The following QTMAN variants were observed in gnomAD, a reference collection of about 807,000 sequenced individuals.
QTMAN encodes the protein queuosine-tRNA mannosyltransferase, also known as tRNA-queuosine alpha-mannosyltransferase.
the QTMAN span, among the ~76,000 whole-genome samples, chr2:143,999,752 G>C: frequency 1.2e-4 from 18 of 152,226 alleles, no homozygotes; most frequent in Non-Finnish European, 2.2e-4. Flanking sequence ...TGTGGGTCCT[G>C]AGCAGTTGAA....
the QTMAN span, among the ~76,000 whole-genome samples, chr2:144,102,574 G>C: frequency 6.6e-6 from 1 of 152,146 alleles, no homozygotes; most frequent in African/African-American, 2.4e-5. Flanking sequence ...AGGATGCTGA[G>C]GTTGCTTTGA....
chr2:144,171,473 C>T, the QTMAN span, among the ~76,000 whole-genome samples: 1 of 152,122 alleles, frequency 6.6e-6, no homozygotes, highest in Non-Finnish European at 1.5e-5. Flanking sequence ...CTTCCTTGAT[C>T]CTACTGGTGT....
the QTMAN span, among the ~76,000 whole-genome samples, chr2:144,238,179 G>A: frequency 6.6e-6 from 1 of 152,138 alleles, no homozygotes; most frequent in Non-Finnish European, 1.5e-5. Flanking sequence ...GCCTTCCACA[G>A]GGAACCCAGG....
At chr2:144,143,876 T>A in the QTMAN span, among the ~76,000 whole-genome samples, 1 of 151,804 alleles carries the variant, frequency 6.6e-6, no homozygotes, top group Non-Finnish European at 1.5e-5. Context: ...CAGAAAGAAA[T>A]CTGACAGTGC....
the QTMAN span, among the ~76,000 whole-genome samples, chr2:144,066,151 CCTTTT>C: frequency 2.0e-5 from 3 of 151,662 alleles, no homozygotes; most frequent in South Asian, 2.1e-4. Flanking sequence ...ATTCTTTCTT[CCTTTT>C]CTTTTTTTTT....
chr2:143,952,691 TAA>T, the QTMAN span: 1 of 1,003,022 alleles, frequency 1.0e-6, no homozygotes, highest in East Asian at 2.4e-5. Context: ...TGCTCCTGCC[TAA>T]GTTTATTTTC....
the QTMAN span, among the ~76,000 whole-genome samples, chr2:144,182,971 T>C: frequency 2.2e-5 from 3 of 137,406 alleles, no homozygotes; most frequent in African/African-American, 5.3e-5. Flanking sequence ...CAGGAAATAT[T>C]TGAAACAATT....
At chr2:144,327,777 G>A in the QTMAN span, among the ~76,000 whole-genome samples, 35 of 152,152 alleles carry the variant, frequency 2.3e-4, no homozygotes, top group African/African-American at 8.4e-4. Flanking sequence ...TAAAGGTAGG[G>A]GAGATAGCAA....
the QTMAN span, chr2:143,944,878 C>T: frequency 2.0e-5 from 3 of 150,484 alleles, no homozygotes; most frequent in Non-Finnish European, 2.9e-5. Context: ...CAGGAAAATA[C>T]GTAAATGTTT....
At chr2:144,127,437 T>G in the QTMAN span, among the ~76,000 whole-genome samples, 2 of 152,000 alleles carry the variant, frequency 1.3e-5, no homozygotes, top group South Asian at 4.1e-4. Context: ...TAAAAAGTTA[T>G]TGAATTGAAT....
At chr2:144,244,286 AG>A in the QTMAN span, among the ~76,000 whole-genome samples, 1 of 152,206 alleles carries the variant, frequency 6.6e-6, no homozygotes, top group Non-Finnish European at 1.5e-5. Context: ...GAAGTTTGCA[AG>A]GGAAGATGAG....
At chr2:143,968,637 T>C in the QTMAN span, among the ~76,000 whole-genome samples, 1 of 152,200 alleles carries the variant, frequency 6.6e-6, no homozygotes, top group African/African-American at 2.4e-5. Context: ...TAAGAAGCCT[T>C]CTGATGGGGG....
the QTMAN span, among the ~76,000 whole-genome samples, chr2:144,317,858 C>T: frequency 6.6e-6 from 1 of 152,046 alleles, no homozygotes; most frequent in African/African-American, 2.4e-5. Context: ...TGGCACTATG[C>T]ACTCTAAAAT....
the QTMAN span, among the ~76,000 whole-genome samples, chr2:144,169,262 G>A: frequency 2.6e-5 from 4 of 152,160 alleles, no homozygotes; most frequent in East Asian, 3.9e-4. Context: ...ATGGTTGAGA[G>A]GCATAGTCTT....
chr2:144,108,035 C>T, the QTMAN span, among the ~76,000 whole-genome samples: 1 of 152,110 alleles, frequency 6.6e-6, no homozygotes, highest in African/African-American at 2.4e-5. Flanking sequence ...GCAGAAAAGG[C>T]CTTTGACAAA....
At chr2:144,016,873 A>C in the QTMAN span, among the ~76,000 whole-genome samples, 1 of 152,212 alleles carries the variant, frequency 6.6e-6, no homozygotes, top group Non-Finnish European at 1.5e-5. Context: ...AGTAACAGAG[A>C]AGGAGATACT....
the QTMAN span, among the ~76,000 whole-genome samples, chr2:143,973,413 A>C: frequency 6.6e-6 from 1 of 152,194 alleles, no homozygotes; most frequent in African/African-American, 2.4e-5. Context: ...ACATATTATA[A>C]ATATACAAGT....
At chr2:144,122,618 T>C in the QTMAN span, among the ~76,000 whole-genome samples, 1 of 152,130 alleles carries the variant, frequency 6.6e-6, no homozygotes, top group African/African-American at 2.4e-5. Context: ...ATAAGCAACC[T>C]ACCACAACCC....
the QTMAN span, among the ~76,000 whole-genome samples, chr2:144,102,111 T>C: frequency 3.3e-5 from 5 of 152,250 alleles, no homozygotes; most frequent in African/African-American, 1.2e-4. Context: ...CTCAATGGTC[T>C]GGTAAATGAC....
Sources: allele counts gnomAD v4.1 joint callset (sites outside exome capture counted in the v4.1 genomes callset), GRCh38; gene constraint gnomAD v4.1.1; transcripts MANE v1.5; gene names NCBI Gene and HGNC (gene_info 2026-07-23, HGNC 2026-07-21).